CHODL: variants seen among roughly 807,000 people sequenced by gnomAD.
CHODL encodes the protein chondrolectin.
Under a neutral mutation model 34.5 loss-of-function variants are expected in CHODL, and 29 were observed. That is an observed-to-expected ratio of 0.84 (90% CI 0.63 to 1.15). The LOEUF (loss-of-function observed/expected upper bound fraction) is 1.15, where lower values mean the gene tolerates loss of function less well. Ranked by LOEUF, CHODL falls within the 50% of genes most tolerant of loss-of-function variation. CHODL has a pLI of 0.00. For synonymous variants in CHODL, 125 were observed against 116.1 expected, an observed-to-expected ratio of 1.08 and a Z score of -0.49; for missense variants, 332 against 332.5, an observed-to-expected ratio of 1.00 and a Z score of 0.01.
intron 1 of CHODL, among the ~76,000 whole-genome samples, chr21:18,026,831 A>G (rs1186317799): frequency 2.0e-5 from 3 of 152,208 alleles, no homozygotes; most frequent in Admixed American, 2.0e-4. Flanking sequence ...TCCACATGAA[A>G]GTTTGTAGAC....
Position 18,256,645 on chromosome 21 carries a change from G to A in CHODL, c.216G>A (p.Glu72=). Residue 72 remains glutamate, a synonymous_variant, in exon 2 of 6, where the codon GAG becomes GAA. Coordinates refer to ENST00000299295, the MANE Select transcript of CHODL (RefSeq NM_024944.3). ...AGGGAGGAGTCCTCCTCAGCCTTGA[G>A]AATGAAGCAGAACAGAAGTTAATAG... ...ESEGGVLLSL[E]NEAEQKLIES... 1 of 1,614,090 alleles carries A rather than the reference G, an allele frequency of 6.2e-7. No homozygotes were observed. Among genetic ancestry groups the A allele is most frequent in the African/African-American group, 1.3e-5 (1 of 75,022 alleles).
At chr21:18,069,977 C>T (rs2064776914) in intron 2 of CHODL, among the ~76,000 whole-genome samples, 1 of 135,390 alleles carries the variant, frequency 7.4e-6, no homozygotes, top group Non-Finnish European at 1.6e-5. Context: ...TTCTTTCCCT[C>T]CTTTTCTTTC....
upstream of CHODL, among the ~76,000 whole-genome samples, chr21:18,244,235 G>A (rs548934572): frequency 9.1e-4 from 138 of 152,216 alleles, 1 homozygote; most frequent in Middle Eastern, 6.8e-3. Context: ...TTGTGTTGAC[G>A]GTTTTCTCTG....
chr21:18,073,391 C>T (rs142165335), intron 2 of CHODL, among the ~76,000 whole-genome samples: 81 of 152,186 alleles, frequency 5.3e-4, no homozygotes, highest in African/African-American at 1.6e-3. Context: ...TTAATAAATA[C>T]ATCAATTGCA....
At chr21:18,248,739 A>ACG (rs1568955432) in intron 1 of CHODL, among the ~76,000 whole-genome samples, 55 of 117,374 alleles carry the variant, frequency 4.7e-4, no homozygotes, top group African/African-American at 2.0e-3. Flanking sequence ...TATAATATAT[A>ACG]TGTATAATAT....
chr21:18,127,184 T>A (rs2064115180), intron 2 of CHODL, among the ~76,000 whole-genome samples: 1 of 152,092 alleles, frequency 6.6e-6, no homozygotes, highest in Non-Finnish European at 1.5e-5. Context: ...GATATATGTT[T>A]TTTTTTAAGG....
chr21:17,932,177 C>A (rs545586104), intron 1 of CHODL, among the ~76,000 whole-genome samples: 1 of 151,986 alleles, frequency 6.6e-6, no homozygotes, highest in Non-Finnish European at 1.5e-5. Context: ...CAAAAGAATA[C>A]AAGTGACCAA....
chr21:18,209,276 G>A (rs902241732), intron 2 of CHODL, among the ~76,000 whole-genome samples: 2 of 152,146 alleles, frequency 1.3e-5, no homozygotes, highest in African/African-American at 4.8e-5. Context: ...TTTTCTACAA[G>A]GAGGGGAGTC....
intron 2 of CHODL, among the ~76,000 whole-genome samples, chr21:18,105,256 A>G (rs1460188879): frequency 1.3e-5 from 2 of 152,162 alleles, no homozygotes; most frequent in African/African-American, 2.4e-5. Context: ...GTAGGGGGTG[A>G]GGCAGAGACT....
At chr21:18,013,272 C>T (rs1007720244) in intron 1 of CHODL, among the ~76,000 whole-genome samples, 7 of 144,780 alleles carry the variant, frequency 4.8e-5, no homozygotes, top group Admixed American at 3.4e-4. Context: ...AGTTTCTTCT[C>T]TGGGAGAACC....
chr21:18,040,882 C>T (rs1055064562), intron 2 of CHODL, among the ~76,000 whole-genome samples: 1 of 151,590 alleles, frequency 6.6e-6, no homozygotes, highest in Non-Finnish European at 1.5e-5. Context: ...TTCATTTTTC[C>T]TCTTCCCTTG....
rs373673646 is a variant in CHODL, at chr21:18,145,362, G to A, written c.-44-111147G>A. ...TGAGGCAGGAGAATGGCGTGAACCCGGGAGGCGGAGCTGGCAGTGAGCCAA... is the reference window on the plus strand; with the variant it reads ...TGAGGCAGGAGAATGGCGTGAACCCAGGAGGCGGAGCTGGCAGTGAGCCAA... On this transcript the variant is annotated intron_variant, in intron 2 of 6. Transcript: ENST00000400127. Among the ~76,000 whole-genome samples, 9 of 147,932 alleles carry A rather than the reference G, an allele frequency of 6.1e-5. No homozygotes were observed. The East Asian group carries it at 8.0e-4, about 13-fold the overall frequency.
intron 1 of CHODL, among the ~76,000 whole-genome samples, chr21:17,985,157 A>G (rs950667445): frequency 1.3e-5 from 2 of 152,174 alleles, no homozygotes; most frequent in African/African-American, 4.8e-5. Flanking sequence ...TCTATAATAT[A>G]GATACTTCCT....
intron 1 of CHODL, among the ~76,000 whole-genome samples, chr21:18,025,781 C>T (rs761735578): frequency 6.6e-6 from 1 of 152,002 alleles, no homozygotes; most frequent in African/African-American, 2.4e-5. Flanking sequence ...CTCTTTGACT[C>T]GAATATGGCT....
intron 2 of CHODL, among the ~76,000 whole-genome samples, chr21:18,151,653 A>G (rs1401670391): frequency 1.3e-5 from 2 of 152,210 alleles, no homozygotes; most frequent in African/African-American, 2.4e-5. Context: ...GCAGACGGGG[A>G]ATAGTCATGT....
chr21:18,096,136 A>C (rs1024576744), intron 2 of CHODL, among the ~76,000 whole-genome samples: 3 of 152,156 alleles, frequency 2.0e-5, no homozygotes, highest in Non-Finnish European at 4.4e-5. Context: ...TGAAGATTTC[A>C]TGGACATTGA....
chr21:18,233,768 A>G (rs572282545), intron 2 of CHODL, among the ~76,000 whole-genome samples: 293 of 152,190 alleles, frequency 1.9e-3, no homozygotes, highest in Non-Finnish European at 3.0e-3. Flanking sequence ...CTTCTCCTCT[A>G]AAGAGCCAAT....
At chr21:18,105,367 G>A (rs1363133566) in intron 2 of CHODL, among the ~76,000 whole-genome samples, 1 of 152,144 alleles carries the variant, frequency 6.6e-6, no homozygotes, top group East Asian at 1.9e-4. Context: ...CCCAATTGTG[G>A]CTGACACCTG....
At chr21:18,188,822 A>G (rs1306396059) in intron 2 of CHODL, among the ~76,000 whole-genome samples, 1 of 152,206 alleles carries the variant, frequency 6.6e-6, no homozygotes, top group African/African-American at 2.4e-5. Context: ...GGAATGGGGA[A>G]TAGGCATGCC....
Sources: allele counts gnomAD v4.1 joint callset (sites outside exome capture counted in the v4.1 genomes callset), GRCh38; gene constraint gnomAD v4.1.1; transcripts MANE v1.5; gene names NCBI Gene and HGNC (gene_info 2026-07-23, HGNC 2026-07-21).